MAMDC2: variants seen among roughly 807,000 people sequenced by gnomAD.
The protein encoded by MAMDC2 is MAM domain-containing protein 2.
MAMDC2 carries 57 observed loss-of-function variants against 89.8 expected under a neutral mutation model. The ratio of observed to expected loss-of-function variants is 0.63; its 90% CI spans 0.51 to 0.79. The LOEUF is 0.79. Among genes scored for constraint, MAMDC2 ranks in the 30% least tolerant of loss-of-function variants. MAMDC2 has a pLI of 0.00. For missense variants in MAMDC2, 800 were observed against 820.6 expected, an observed-to-expected ratio of 0.97 and a Z score of 0.31; for synonymous variants, 313 against 293.4, an observed-to-expected ratio of 1.07 and a Z score of -0.68.
chr9:70,060,095 T>TTTCTTGTGGA (rs1352321657), intron 2 of MAMDC2, among the ~76,000 whole-genome samples: 1 of 152,196 alleles, frequency 6.6e-6, no homozygotes, highest in Non-Finnish European at 1.5e-5. Context: ...CTCTGATATT[T>TTTCTTGTGGA]TTCTTGTGGA....
intron 11 of MAMDC2, among the ~76,000 whole-genome samples, chr9:70,175,060 G>T (rs1328360329): frequency 1.3e-5 from 2 of 152,146 alleles, no homozygotes; most frequent in Admixed American, 1.3e-4. Flanking sequence ...CAAATGGAAA[G>T]TCACTAGAGA....
intron 11 of MAMDC2, among the ~76,000 whole-genome samples, chr9:70,192,671 T>C (rs780428565): frequency 2.0e-5 from 3 of 152,110 alleles, no homozygotes; most frequent in Non-Finnish European, 4.4e-5. Flanking sequence ...GACATCCAAC[T>C]ATGTTAAAGA....
At chr9:70,102,356 C>T (rs921437880) in intron 2 of MAMDC2, among the ~76,000 whole-genome samples, 30 of 152,152 alleles carry the variant, frequency 2.0e-4, no homozygotes, top group African/African-American at 7.0e-4. Flanking sequence ...GGGCATTCGG[C>T]ATTCATTAGC....
At chr9:70,068,321 T>C (rs1827315357) in intron 2 of MAMDC2, among the ~76,000 whole-genome samples, 1 of 152,146 alleles carries the variant, frequency 6.6e-6, no homozygotes, top group African/African-American at 2.4e-5. Context: ...GGGGATCAAG[T>C]GCAACAGCAT....
intron 9 of MAMDC2, among the ~76,000 whole-genome samples, chr9:70,166,242 CA>C (rs200676029): frequency 3.9e-5 from 5 of 129,652 alleles, no homozygotes; most frequent in Admixed American, 8.0e-5. Context: ...ACTCCCATCT[CA>C]AAAAAAAAAC....
chr9:70,170,338 G>T (rs564347271), intron 10 of MAMDC2, 141 bp from the exon 11 acceptor site: 16 of 835,688 alleles, frequency 1.9e-5, no homozygotes, highest in African/African-American at 1.9e-4. Flanking sequence ...GTGGCTCCGT[G>T]TAGGTGGGCC....
chr9:70,118,938 T>C (rs967752273), intron 5 of MAMDC2, among the ~76,000 whole-genome samples: 18 of 152,084 alleles, frequency 1.2e-4, no homozygotes, highest in Admixed American at 3.3e-4. Flanking sequence ...TGAGTCAAGG[T>C]TTTTAATGAG....
At chr9:70,099,116 A>AT (rs570023936) in intron 2 of MAMDC2, among the ~76,000 whole-genome samples, 2 of 152,152 alleles carry the variant, frequency 1.3e-5, no homozygotes, top group African/African-American at 4.8e-5. Flanking sequence ...AATATTTGTG[A>AT]TTTTTTTCTT....
intron 2 of MAMDC2, among the ~76,000 whole-genome samples, chr9:70,045,448 C>T (rs1466315316): frequency 1.3e-5 from 2 of 152,092 alleles, no homozygotes; most frequent in Non-Finnish European, 2.9e-5. Context: ...CTGGGTGTCC[C>T]TTCTTTCCTT....
intron 2 of MAMDC2, among the ~76,000 whole-genome samples, chr9:70,059,008 C>A (rs1252581766): frequency 6.6e-6 from 1 of 152,188 alleles, no homozygotes; most frequent in Non-Finnish European, 1.5e-5. Flanking sequence ...ATTCTCTGGA[C>A]AAATTCCAGT....
intron 2 of MAMDC2, among the ~76,000 whole-genome samples, chr9:70,095,229 A>G (rs899962823): frequency 7.2e-5 from 11 of 152,212 alleles, no homozygotes; most frequent in African/African-American, 2.2e-4. Flanking sequence ...ATTGAGGACA[A>G]TGGGGACCCC....
chr9:70,072,484 AATAGTAGTAGCTTTATACTT>A (rs1827431835), intron 2 of MAMDC2, among the ~76,000 whole-genome samples: 1 of 152,226 alleles, frequency 6.6e-6, no homozygotes, highest in Non-Finnish European at 1.5e-5. Context: ...CTAATAGAAT[AATAGTAGTAGCTTTATACTT>A]ATCAATGTTT....
At position 70,212,135 on chromosome 9, in the gene MAMDC2, A is replaced by C. The variant is rs184421444; in HGVS notation, c.1652-6202A>C. ...AGATCTCAAACTCCATGCTGGGAGAACCACTACTCTCTTCAAAGCTGTCAG... is the reference window on the plus strand; with the variant it reads ...AGATCTCAAACTCCATGCTGGGAGACCCACTACTCTCTTCAAAGCTGTCAG... On this transcript the variant is annotated intron_variant, in intron 11 of 13. Transcript: ENST00000377182. 1.7e-4 allele frequency among the ~76,000 whole-genome samples: 26 copies of C among 152,322 alleles called. 1 individual carries two copies. In the East Asian group the frequency reaches 4.4e-3, roughly 26 times the overall value.
chr9:70,154,941 C>A (rs143576916), intron 9 of MAMDC2, among the ~76,000 whole-genome samples: 1 of 152,212 alleles, frequency 6.6e-6, no homozygotes, highest in African/African-American at 2.4e-5. Flanking sequence ...TTACCAGCCC[C>A]CATGCAAATC....
At chr9:70,154,389 A>G (rs978604599) in intron 9 of MAMDC2, 18 of 152,212 alleles carry the variant, frequency 1.2e-4, no homozygotes, top group African/African-American at 4.3e-4. Context: ...TTTGGCTAAG[A>G]TAAACTATAA....
At chr9:70,090,125 A>T (rs1202989020) in intron 2 of MAMDC2, among the ~76,000 whole-genome samples, 2 of 154 alleles carry the variant, frequency 0.013, no homozygotes, top group Non-Finnish European at 0.036. Flanking sequence ...CAAGGATGTC[A>T]CACACACACA....
At chr9:70,164,474 C>A (rs1239365825) in intron 9 of MAMDC2, among the ~76,000 whole-genome samples, 1 of 152,106 alleles carries the variant, frequency 6.6e-6, no homozygotes, top group Admixed American at 6.5e-5. Flanking sequence ...TCCATCAGGA[C>A]AAACATTTTA....
intron 9 of MAMDC2, among the ~76,000 whole-genome samples, chr9:70,164,154 A>T (rs771403878): frequency 6.6e-6 from 1 of 152,106 alleles, no homozygotes; most frequent in African/African-American, 2.4e-5. Context: ...CTTGGCAGTG[A>T]TGCTGGCATC....
At chr9:70,153,331 A>G (rs998849045) in intron 9 of MAMDC2, 5 of 152,178 alleles carry the variant, frequency 3.3e-5, no homozygotes, top group Admixed American at 3.3e-4. Flanking sequence ...ACTTTTCCTA[A>G]AGGCCAAATA....
Sources: allele counts gnomAD v4.1 joint callset (sites outside exome capture counted in the v4.1 genomes callset), GRCh38; gene constraint gnomAD v4.1.1; transcripts MANE v1.5; gene names NCBI Gene and HGNC (gene_info 2026-07-23, HGNC 2026-07-21).